DIAPH3: variants seen among roughly 807,000 people sequenced by gnomAD.
The protein encoded by DIAPH3 is diaphanous related formin 3.
DIAPH3 carries 117 observed loss-of-function variants against 144.3 expected under a neutral mutation model. The observed-to-expected ratio is 0.81, with a 90% CI of 0.70 to 0.95. DIAPH3 has a LOEUF of 0.95. Ranked by LOEUF, DIAPH3 falls within the 40% of genes least tolerant of loss-of-function variation. The probability of loss-of-function intolerance (pLI) is 0.00; values close to 1 mark genes in which losing one functional copy is unlikely to be tolerated. For missense variants in DIAPH3, 1,421 were observed against 1,412.7 expected, an observed-to-expected ratio of 1.01 and a Z score of -0.09; for synonymous variants, 519 against 488.9, an observed-to-expected ratio of 1.06 and a Z score of -0.81.
At chr13:60,060,075 T>A (rs889256454) in intron 4 of DIAPH3, among the ~76,000 whole-genome samples, 1 of 152,106 alleles carries the variant, frequency 6.6e-6, no homozygotes, top group Non-Finnish European at 1.5e-5. Context: ...TTCCTTTTTT[T>A]TCTTTTCTTG....
Position 59,666,479 on chromosome 13 carries a change from A to T in DIAPH3, c.*105T>A. 1.6e-6 allele frequency: 2 copies of T among 1,275,976 alleles called. No homozygotes were observed. Among genetic ancestry groups the T allele is most frequent in the Non-Finnish European group, 2.2e-6 (2 of 926,392 alleles). The allele number at this position is 1,275,976 out of a possible 1,614,324, so 79.0% of individuals were successfully genotyped here. A position where few individuals can be genotyped will look rare whatever the true frequency, so the allele number is the denominator to read the frequency against. On this transcript the variant is annotated 3_prime_UTR_variant, in exon 28 of 28. Coordinates refer to ENST00000400324, the MANE Select transcript of DIAPH3 (RefSeq NM_001042517.2). ...ATTTTTCTAATATATATCATAATTT[A>T]AAACTATATAAAGTCACTTACATAA...
intron 25 of DIAPH3, among the ~76,000 whole-genome samples, chr13:59,805,685 T>TA (rs922063104): frequency 6.0e-5 from 9 of 150,882 alleles, no homozygotes; most frequent in South Asian, 2.1e-4. Flanking sequence ...GTTCATCATT[T>TA]AAAAAAAAAT....
At chr13:59,859,773 G>A (rs2043472480) in intron 22 of DIAPH3, among the ~76,000 whole-genome samples, 1 of 152,082 alleles carries the variant, frequency 6.6e-6, no homozygotes, top group Admixed American at 6.5e-5. Flanking sequence ...ATATCACTGA[G>A]TGATTCTGAA....
rs377294414 is a variant in DIAPH3, at chr13:59,702,592, A to T, written c.3320-35746T>A. On this transcript the variant is annotated intron_variant, in intron 27 of 27. Transcript: ENST00000400324. ...ATGACTTTACCATTCAGTCTCTCTT[A>T]GGAAGTATTTTTATTTTCTTATTAA... Among the ~76,000 whole-genome samples the T allele has an allele frequency of 1.1e-4, 17 of 152,322 alleles. No individual in the cohort carries two copies. In the East Asian group the frequency reaches 2.3e-3, roughly 21 times the overall value.
At position 60,004,255 on chromosome 13, in the gene DIAPH3, T is replaced by C. The variant is rs1008090171; in HGVS notation, c.1014+4289A>G. ...ATTTTAATAATGCAATTTATTAAAA[T>C]GGAATAAAATGGGTACAAATAGTTT... On this transcript the variant is annotated intron_variant, in intron 9 of 27. Coordinates refer to ENST00000400324, the MANE Select transcript of DIAPH3 (RefSeq NM_001042517.2). Among the ~76,000 whole-genome samples the C allele has an allele frequency of 3.3e-5, 5 of 152,308 alleles. No individual in the cohort carries two copies. In the South Asian group the frequency reaches 1.0e-3, roughly 32 times the overall value.
chr13:59,716,991 T>A (rs917621878), intron 27 of DIAPH3, among the ~76,000 whole-genome samples: 4 of 152,142 alleles, frequency 2.6e-5, no homozygotes, highest in African/African-American at 9.7e-5. Context: ...CTTAATTTTT[T>A]AAAAATTTCA....
At chr13:59,855,837 A>G (rs955574008) in intron 22 of DIAPH3, among the ~76,000 whole-genome samples, 1 of 152,046 alleles carries the variant, frequency 6.6e-6, no homozygotes, top group Non-Finnish European at 1.5e-5. Flanking sequence ...TGCTTATATG[A>G]AAATTACAAC....
chr13:59,673,596 A>C (rs1250953480), intron 27 of DIAPH3, among the ~76,000 whole-genome samples: 1 of 152,120 alleles, frequency 6.6e-6, no homozygotes, highest in Non-Finnish European at 1.5e-5. Flanking sequence ...ATGACTCAGG[A>C]TGGGGGTTAA....
intron 17 of DIAPH3, among the ~76,000 whole-genome samples, chr13:59,954,411 C>A (rs773849036): frequency 9.2e-5 from 14 of 152,154 alleles, no homozygotes; most frequent in East Asian, 1.9e-4. Flanking sequence ...CCAATATAAT[C>A]AAAAATAATG....
chr13:60,156,829 G>A (rs1002292183), intron 1 of DIAPH3, among the ~76,000 whole-genome samples: 4 of 148,638 alleles, frequency 2.7e-5, no homozygotes, highest in African/African-American at 7.5e-5. Flanking sequence ...AAATAAGTGC[G>A]TTTTCTTTTT....
intron 27 of DIAPH3, among the ~76,000 whole-genome samples, chr13:59,728,784 A>G (rs2035730519): frequency 6.6e-6 from 1 of 152,152 alleles, no homozygotes; most frequent in Admixed American, 6.6e-5. Flanking sequence ...TATTTAATGG[A>G]AAAAAGTACT....
chr13:59,692,505 A>G (rs551711799), intron 27 of DIAPH3, among the ~76,000 whole-genome samples: 1 of 150,772 alleles, frequency 6.6e-6, no homozygotes, highest in South Asian at 2.1e-4. Flanking sequence ...TCTGGACACT[A>G]AAGAATGCTG....
chr13:59,834,189 AT>A (rs568488660), intron 23 of DIAPH3, among the ~76,000 whole-genome samples: 26 of 151,668 alleles, frequency 1.7e-4, no homozygotes, highest in Admixed American at 4.6e-4. Context: ...AAACAATGAA[AT>A]TTTTTTTCTT....
chr13:60,133,174 T>C (rs1483992258), intron 1 of DIAPH3, among the ~76,000 whole-genome samples, 185 bp from the exon 2 acceptor site: 1 of 152,066 alleles, frequency 6.6e-6, no homozygotes, highest in African/African-American at 2.4e-5. Flanking sequence ...AAAGTTACCC[T>C]GCGTGTGATA....
intron 22 of DIAPH3, among the ~76,000 whole-genome samples, chr13:59,858,215 A>G (rs1228177985): frequency 6.6e-6 from 1 of 152,208 alleles, no homozygotes; most frequent in African/African-American, 2.4e-5. Flanking sequence ...TAGGCTAGTG[A>G]AAAGCACTTT....
chr13:59,858,346 A>G (rs2043375446), intron 22 of DIAPH3, among the ~76,000 whole-genome samples: 1 of 152,162 alleles, frequency 6.6e-6, no homozygotes, highest in Non-Finnish European at 1.5e-5. Flanking sequence ...GGGTTTCACT[A>G]AGACACAGAC....
chr13:60,066,055 T>C (rs1263954829), intron 4 of DIAPH3, among the ~76,000 whole-genome samples: 1 of 152,144 alleles, frequency 6.6e-6, no homozygotes, highest in Non-Finnish European at 1.5e-5. Flanking sequence ...GAAAATAGTA[T>C]AACTTTCATA....
At position 59,911,842 on chromosome 13, in the gene DIAPH3, A is replaced by G; in HGVS notation, c.2266-6T>C. ...GGAAGATGCTTTATTAAGTTCTAAA[A>G]ATTAAAACCAGAAAGAAAGATCTTC... is the stretch of plus-strand genomic sequence containing the variant. On this transcript the variant is annotated splice_polypyrimidine_tract_variant and splice_region_variant and intron_variant, in intron 19 of 27. Transcript: ENST00000400324. The G allele has an allele frequency of 6.3e-7, 1 of 1,581,642 alleles. No individual in the cohort carries two copies. Among genetic ancestry groups the G allele is most frequent in the Non-Finnish European group, 8.7e-7 (1 of 1,150,826 alleles).
chr13:59,772,218 A>C (rs1289279583), intron 27 of DIAPH3, among the ~76,000 whole-genome samples: 2 of 152,004 alleles, frequency 1.3e-5, no homozygotes, highest in African/African-American at 4.8e-5. Flanking sequence ...TTTTGCAATG[A>C]AGACATTTTC....
Sources: allele counts gnomAD v4.1 joint callset (sites outside exome capture counted in the v4.1 genomes callset), GRCh38; gene constraint gnomAD v4.1.1; transcripts MANE v1.5; gene names NCBI Gene and HGNC (gene_info 2026-07-23, HGNC 2026-07-21).